The following FAM78B variants were observed in gnomAD, a reference collection of about 807,000 sequenced individuals.
FAM78B encodes the protein protein FAM78B.
Under a neutral mutation model 20.0 loss-of-function variants are expected in FAM78B, and 10 were observed. The observed-to-expected ratio is 0.50, with a 90% CI of 0.31 to 0.85. FAM78B has a LOEUF of 0.85. Among genes scored for constraint, FAM78B ranks in the 40% least tolerant of loss-of-function variants. The pLI, the probability that FAM78B is intolerant of heterozygous loss-of-function variation, is 0.05. For synonymous variants in FAM78B, 135 were observed against 132.8 expected, an observed-to-expected ratio of 1.02 and a Z score of -0.12; for missense variants, 283 against 345.0, an observed-to-expected ratio of 0.82 and a Z score of 1.42.
chr1:166,057,805 T>C (rs1387617096), exon 3 of FAM78B: 1 of 152,140 alleles, frequency 6.6e-6, no homozygotes, highest in Non-Finnish European at 1.5e-5. Context: ...GTAAATTAAC[T>C]GATATAGTCA....
intron 1 of FAM78B, among the ~76,000 whole-genome samples, chr1:166,097,277 G>A (rs540647597): frequency 3.3e-5 from 5 of 152,328 alleles, no homozygotes; most frequent in African/African-American, 1.2e-4. Context: ...AACGGGAGAG[G>A]AGCAGTGGGT....
In FAM78B at chr1:166,142,177, T is replaced by C. The variant is rs1400586990; in HGVS notation, c.263+23809A>G. On this transcript the variant is annotated intron_variant, in intron 1 of 1. Coordinates refer to ENST00000354422, the MANE Select transcript of FAM78B (RefSeq NM_001017961.5). ...ACCCAGGCAGGTCACTAGGGGACAT[T>C]ATGCAATGGAAAACCATTATTGGGG... is the stretch of plus-strand genomic sequence containing the variant. 7.2e-5 allele frequency among the ~76,000 whole-genome samples: 11 copies of C among 152,102 alleles called. No homozygotes were observed. In the East Asian group the frequency reaches 2.1e-3, roughly 29 times the overall value.
At chr1:166,118,627 G>A (rs1654350268) in intron 1 of FAM78B, among the ~76,000 whole-genome samples, 3 of 152,100 alleles carry the variant, frequency 2.0e-5, no homozygotes, top group Non-Finnish European at 2.9e-5. Context: ...AGGCTATCAC[G>A]GCAGAGCTGA....
chr1:166,131,909 C>A (rs561736522), intron 1 of FAM78B, among the ~76,000 whole-genome samples: 3 of 152,236 alleles, frequency 2.0e-5, no homozygotes, highest in Admixed American at 2.0e-4. Flanking sequence ...GCAGAAGACC[C>A]AGGTCTTAAA....
chr1:166,146,733 T>A (rs1277132087), intron 1 of FAM78B, among the ~76,000 whole-genome samples: 2 of 152,164 alleles, frequency 1.3e-5, no homozygotes, highest in Non-Finnish European at 2.9e-5. Context: ...AGTAGACAAA[T>A]CATAGATAAT....
chr1:166,126,709 A>G (rs971852367), intron 1 of FAM78B, among the ~76,000 whole-genome samples: 2 of 152,194 alleles, frequency 1.3e-5, no homozygotes, highest in Non-Finnish European at 2.9e-5. Context: ...AATATACACA[A>G]TAATACATGA....
chr1:166,089,234 C>T (rs1652965105), intron 1 of FAM78B, among the ~76,000 whole-genome samples: 1 of 152,224 alleles, frequency 6.6e-6, no homozygotes, highest in African/African-American at 2.4e-5. Context: ...ATTCATAGAA[C>T]TTATCACCAT....
intron 1 of FAM78B, among the ~76,000 whole-genome samples, chr1:166,080,609 T>C (rs1652527037): frequency 6.6e-6 from 1 of 152,232 alleles, no homozygotes; most frequent in Non-Finnish European, 1.5e-5. Flanking sequence ...TTCTGCCTTT[T>C]CTCTTCATCT....
At chr1:166,102,816 A>G in intron 1 of FAM78B, among the ~76,000 whole-genome samples, 1 of 152,210 alleles carries the variant, frequency 6.6e-6, no homozygotes, top group Non-Finnish European at 1.5e-5. Context: ...GAAAGTTAAC[A>G]AGGATATCCA....
chr1:166,149,417 G>A (rs1216506070), intron 1 of FAM78B, among the ~76,000 whole-genome samples: 1 of 152,120 alleles, frequency 6.6e-6, no homozygotes, highest in Non-Finnish European at 1.5e-5. Flanking sequence ...TAAAGTCAAG[G>A]AAGAAGACTG....
intron 1 of FAM78B, among the ~76,000 whole-genome samples, chr1:166,105,415 G>A (rs1421931571): frequency 6.6e-6 from 1 of 151,936 alleles, no homozygotes. Flanking sequence ...AGAGTGAACA[G>A]GCAACCTACA....
intron 1 of FAM78B, among the ~76,000 whole-genome samples, chr1:166,160,783 T>C (rs1416313191): frequency 3.3e-5 from 5 of 152,264 alleles, no homozygotes; most frequent in African/African-American, 1.2e-4. Flanking sequence ...ATAAACAAGA[T>C]GGACATGACA....
At chr1:166,134,745 T>C (rs1348288947) in intron 1 of FAM78B, among the ~76,000 whole-genome samples, 1 of 152,184 alleles carries the variant, frequency 6.6e-6, no homozygotes, top group Non-Finnish European at 1.5e-5. Context: ...TAACGATAAC[T>C]TAAAACGATT....
chr1:166,160,657 T>C (rs905810373), intron 1 of FAM78B, among the ~76,000 whole-genome samples: 1 of 152,236 alleles, frequency 6.6e-6, no homozygotes, highest in Non-Finnish European at 1.5e-5. Flanking sequence ...AAAAGCTAAC[T>C]TTGAAGAGAC....
chr1:166,132,917 T>C (rs1278260590), intron 1 of FAM78B, among the ~76,000 whole-genome samples: 2 of 152,226 alleles, frequency 1.3e-5, no homozygotes, highest in African/African-American at 4.8e-5. Flanking sequence ...ATTAAAATGA[T>C]AAGGGCAGTT....
At chr1:166,155,457 G>A (rs1655857496) in intron 1 of FAM78B, among the ~76,000 whole-genome samples, 1 of 152,186 alleles carries the variant, frequency 6.6e-6, no homozygotes, top group African/African-American at 2.4e-5. Flanking sequence ...GCACACACTA[G>A]TTGTTATCAT....
At chr1:166,153,124 C>T (rs1275817438) in intron 1 of FAM78B, among the ~76,000 whole-genome samples, 1 of 152,204 alleles carries the variant, frequency 6.6e-6, no homozygotes, top group Non-Finnish European at 1.5e-5. Context: ...CCCAGCCAGG[C>T]TTGGAGGCAA....
At chr1:166,084,421 A>G (rs1463124481) in intron 1 of FAM78B, among the ~76,000 whole-genome samples, 2 of 152,210 alleles carry the variant, frequency 1.3e-5, no homozygotes, top group East Asian at 3.9e-4. Context: ...TATAAAACAG[A>G]GAGTAGAATA....
At chr1:166,073,409 G>C (rs1652129193) in intron 1 of FAM78B, among the ~76,000 whole-genome samples, 1 of 152,156 alleles carries the variant, frequency 6.6e-6, no homozygotes, top group Admixed American at 6.5e-5. Context: ...CTAGTGAATA[G>C]GGAGTTGCTA....
Sources: gnomAD v4.1 joint callset for allele counts (sites outside exome capture counted in the v4.1 genomes callset) on GRCh38, gnomAD v4.1.1 for gene constraint, MANE v1.5 for transcripts, NCBI Gene and HGNC (gene_info 2026-07-23, HGNC 2026-07-21) for gene names.